The following ME1 variants were observed in gnomAD, a reference collection of about 807,000 sequenced individuals.
ME1 encodes NADP-dependent malic enzyme.
A neutral mutation model predicts 66.4 loss-of-function variants in ME1; 74 were observed. The observed-to-expected ratio is 1.11, with a 90% CI of 0.92 to 1.35. ME1 has a LOEUF of 1.35. Among genes scored for constraint, ME1 ranks in the 40% most tolerant of loss-of-function variants. The pLI is 0.00. For synonymous variants in ME1, 251 were observed against 235.6 expected, an observed-to-expected ratio of 1.07 and a Z score of -0.60; for missense variants, 750 against 694.1, an observed-to-expected ratio of 1.08 and a Z score of -0.90.
intron 7 of ME1, among the ~76,000 whole-genome samples, chr6:83,252,539 G>A (rs1046560316): frequency 1.1e-4 from 16 of 152,134 alleles, no homozygotes; most frequent in African/African-American, 3.4e-4. Context: ...ACGCTCAAGC[G>A]ATCTGCCTGC....
intron 3 of ME1, among the ~76,000 whole-genome samples, chr6:83,357,902 C>CCCCTCTCT (rs1554270311): frequency 3.2e-5 from 1 of 31,562 alleles, no homozygotes; most frequent in African/African-American, 1.4e-4. Context: ...AATAAACTCC[C>CCCCTCTCT]CTCTCTCTCT....
chr6:83,374,258 C>A (rs1769245430), intron 3 of ME1, among the ~76,000 whole-genome samples: 1 of 152,178 alleles, frequency 6.6e-6, no homozygotes, highest in Non-Finnish European at 1.5e-5. Context: ...GCCTCACCAG[C>A]ATCTCTTGTT....
chr6:83,322,048 T>A (rs1050611937), intron 5 of ME1, among the ~76,000 whole-genome samples: 1 of 152,180 alleles, frequency 6.6e-6, no homozygotes, highest in African/African-American at 2.4e-5. Flanking sequence ...CCAGCAGACC[T>A]GCAGAAGAGG....
intron 1 of ME1, among the ~76,000 whole-genome samples, chr6:83,410,770 A>C (rs995191776): frequency 2.6e-5 from 4 of 152,204 alleles, no homozygotes; most frequent in Non-Finnish European, 5.9e-5. Context: ...TCATTCCCTT[A>C]ATAATGGCAC....
At chr6:83,313,110 TAACA>T (rs1229096753) in intron 6 of ME1, among the ~76,000 whole-genome samples, 1 of 152,192 alleles carries the variant, frequency 6.6e-6, no homozygotes, top group Non-Finnish European at 1.5e-5. Context: ...AGGTAACCTG[TAACA>T]ATCATTTCCC....
At chr6:83,227,933 T>TAA (rs1320860179) in intron 10 of ME1, among the ~76,000 whole-genome samples, 1 of 152,184 alleles carries the variant, frequency 6.6e-6, no homozygotes, top group Non-Finnish European at 1.5e-5. Context: ...AACAGAAGAA[T>TAA]AAAGCAATTA....
At chr6:83,420,402 A>G (rs1034077902) in intron 1 of ME1, among the ~76,000 whole-genome samples, 4 of 152,212 alleles carry the variant, frequency 2.6e-5, no homozygotes, top group Non-Finnish European at 4.4e-5. Flanking sequence ...ATACTCAGTT[A>G]GGACCATGAA....
chr6:83,297,738 C>G (rs1054279689), intron 6 of ME1, among the ~76,000 whole-genome samples: 6 of 152,142 alleles, frequency 3.9e-5, no homozygotes, highest in African/African-American at 1.4e-4. Flanking sequence ...CTGATGCTCT[C>G]CCTGCCCCGA....
At chr6:83,419,867 A>C (rs1207466681) in intron 1 of ME1, among the ~76,000 whole-genome samples, 1 of 152,104 alleles carries the variant, frequency 6.6e-6, no homozygotes, top group African/African-American at 2.4e-5. Flanking sequence ...TGGGGTGGCA[A>C]TGCATTAAAT....
chr6:83,342,427 A>G (rs1255859333), intron 5 of ME1, among the ~76,000 whole-genome samples: 2 of 152,240 alleles, frequency 1.3e-5, no homozygotes, highest in East Asian at 1.9e-4. Flanking sequence ...AGCAATTAAT[A>G]CATACTGCAA....
intron 6 of ME1, among the ~76,000 whole-genome samples, chr6:83,300,448 G>T (rs189132592): frequency 1.3e-5 from 2 of 151,850 alleles, no homozygotes; most frequent in East Asian, 3.9e-4. Flanking sequence ...AGTAAACAAA[G>T]AACCTACACA....
chr6:83,392,835 T>C (rs1014184907), intron 3 of ME1: 8 of 750,492 alleles, frequency 1.1e-5, no homozygotes, highest in South Asian at 4.0e-5. Context: ...ATGAGAAATA[T>C]GACAACAGCT....
chr6:83,366,310 T>C (rs1476780786), intron 3 of ME1, among the ~76,000 whole-genome samples: 2 of 152,200 alleles, frequency 1.3e-5, no homozygotes, highest in Non-Finnish European at 2.9e-5. Context: ...CTTGGAAATA[T>C]TTCCTGACCC....
At position 83,360,638 on chromosome 6, in the gene ME1, C is replaced by T. The variant is rs187192043; in HGVS notation, c.363-8499G>A. On this transcript the variant is annotated intron_variant, in intron 3 of 13. Transcript: ENST00000369705. ...AGCTGCCTCTACCTAAATAGTAAAT[C>T]AAAAACTATATCGCATCCCTGGAGG... is the stretch of plus-strand genomic sequence containing the variant. 3.7e-3 allele frequency among the ~76,000 whole-genome samples: 571 copies of T among 152,306 alleles called. 1 individual carries two copies. The highest frequency in any genetic ancestry group is 0.013 in the African/African-American group (548 of 41,572).
At chr6:83,386,711 C>A (rs1484419868) in intron 3 of ME1, among the ~76,000 whole-genome samples, 4 of 151,882 alleles carry the variant, frequency 2.6e-5, no homozygotes, top group Non-Finnish European at 2.9e-5. Context: ...CCCCAAAATT[C>A]ATGTATTTTG....
intron 3 of ME1, among the ~76,000 whole-genome samples, chr6:83,390,003 T>C (rs766166254): frequency 7.9e-5 from 12 of 152,156 alleles, no homozygotes; most frequent in East Asian, 1.9e-4. Context: ...AAAGTATCTA[T>C]GCCAAAAAGA....
chr6:83,392,565 T>G (rs1769641938), intron 3 of ME1: 1 of 556,090 alleles, frequency 1.8e-6, no homozygotes, highest in South Asian at 1.4e-5. Flanking sequence ...TCCAGTATAA[T>G]TCCGCCCATG....
chr6:83,370,432 T>C (rs1769173838), intron 3 of ME1, among the ~76,000 whole-genome samples: 1 of 152,106 alleles, frequency 6.6e-6, no homozygotes, highest in South Asian at 2.1e-4. Context: ...ATGACAATTG[T>C]TTGAATATGA....
chr6:83,269,767 T>C (rs1012786839), intron 6 of ME1, among the ~76,000 whole-genome samples: 1 of 152,206 alleles, frequency 6.6e-6, no homozygotes, highest in Non-Finnish European at 1.5e-5. Context: ...GGATTAAGTC[T>C]TCCAAAATGA....
Sources: gnomAD v4.1 joint callset for allele counts (sites outside exome capture counted in the v4.1 genomes callset) on GRCh38, gnomAD v4.1.1 for gene constraint, MANE v1.5 for transcripts, NCBI Gene and HGNC (gene_info 2026-07-23, HGNC 2026-07-21) for gene names.